Variants in KDM4B observed in about 807,000 individuals in gnomAD.
The protein encoded by KDM4B is lysine-specific demethylase 4B.
In KDM4B, 32 loss-of-function variants were observed where a neutral mutation model predicts 125.2. The ratio of observed to expected loss-of-function variants is 0.26; its 90% CI spans 0.19 to 0.34. KDM4B has a LOEUF of 0.34. KDM4B is among the 10% of genes least tolerant of loss of function. KDM4B has a pLI of 1.00. For synonymous variants in KDM4B, 721 were observed against 677.9 expected (o/e 1.06, Z -0.99); for missense variants, 1,190 against 1,577.7 (o/e 0.75, Z 4.16).
intron 6 of KDM4B, 41 bp downstream of exon 6, chr19:5,047,710 G>C: frequency 6.3e-7 from 1 of 1,592,658 alleles, no homozygotes; most frequent in Non-Finnish European, 8.6e-7. Context: ...CGGACCGAGA[G>C]CCCCTCGGGA....
chr19:5,131,954 C>T lies in KDM4B; in HGVS notation c.1853C>T (p.Pro618Leu). The T allele has an allele frequency of 1.2e-6, 2 of 1,612,178 alleles. No homozygotes were observed. Among genetic ancestry groups the T allele is most frequent in the Non-Finnish European group, 8.5e-7 (1 of 1,179,636 alleles). Residue 618 changes from proline (P) to leucine (L), a missense_variant, in exon 13 of 23, where the codon CCG becomes CTG. Transcript: ENST00000159111. ...AGCCGGCGCCATCCCCTGGGCCGGC[C>T]GCCCACCCGGTCCCCACTGTCGGTG... ...KKSRRHPLGR[P>L]PTRSPLSVVK...
intron 5 of KDM4B, among the ~76,000 whole-genome samples, chr19:5,043,351 C>T (rs1042677477): frequency 1.6e-5 from 2 of 128,810 alleles, no homozygotes; most frequent in African/African-American, 6.1e-5. Context: ...CAGCATTTAT[C>T]GGAGTGGGGG....
At chr19:5,128,802 G>A (rs2039492451) in intron 11 of KDM4B, among the ~76,000 whole-genome samples, 1 of 129,674 alleles carries the variant, frequency 7.7e-6, no homozygotes, top group South Asian at 2.6e-4. Context: ...TGTGTCCAGT[G>A]TTTACCTCCC....
At chr19:5,107,208 A>G (rs2039051936) in intron 9 of KDM4B, among the ~76,000 whole-genome samples, 1 of 152,218 alleles carries the variant, frequency 6.6e-6, no homozygotes, top group Admixed American at 6.5e-5. Context: ...CATGTGTATC[A>G]CACCACACGA....
chr19:5,096,784 G>A lies in KDM4B; in HGVS notation c.919-13838G>A, dbSNP rs559697910. Among the ~76,000 whole-genome samples the A allele has an allele frequency of 4.9e-4, 73 of 149,940 alleles. 1 individual carries two copies. The highest frequency in any genetic ancestry group is 1.7e-3 in the African/African-American group (71 of 40,792). On this transcript the variant is annotated intron_variant, in intron 9 of 22. Transcript: ENST00000159111. ...GGTGGCGCGTGTTGCCGTGGCGCCT[G>A]CCTGGTGGAGGAGGTGTCCCGCGGT...
At chr19:5,062,331 TG>T (rs2037628381) in intron 6 of KDM4B, among the ~76,000 whole-genome samples, 1 of 152,260 alleles carries the variant, frequency 6.6e-6, no homozygotes. Context: ...CTGCCTGTCC[TG>T]GGCGACCCAT....
At chr19:5,069,590 G>A (rs1428338623) in intron 6 of KDM4B, among the ~76,000 whole-genome samples, 2 of 150,978 alleles carry the variant, frequency 1.3e-5, no homozygotes, top group Non-Finnish European at 2.9e-5. Flanking sequence ...TTAGACGTGA[G>A]CCACTGCACC....
intron 9 of KDM4B, among the ~76,000 whole-genome samples, chr19:5,092,800 G>A (rs1373371241): frequency 6.6e-6 from 1 of 152,206 alleles, no homozygotes; most frequent in Non-Finnish European, 1.5e-5. Flanking sequence ...AAATGGTGGA[G>A]TTCTCCCCTC....
At chr19:5,102,595 C>T (rs1031908445) in intron 9 of KDM4B, among the ~76,000 whole-genome samples, 3 of 152,172 alleles carry the variant, frequency 2.0e-5, no homozygotes, top group Non-Finnish European at 4.4e-5. Flanking sequence ...GCATCTGGGG[C>T]CACTCCCGGT....
intron 1 of KDM4B, among the ~76,000 whole-genome samples, chr19:4,975,724 C>T (rs1046634099): frequency 1.3e-5 from 2 of 151,494 alleles, no homozygotes; most frequent in Non-Finnish European, 2.9e-5. Flanking sequence ...TCTTGAGTAG[C>T]TGGGATTACA....
chr19:5,015,610 G>A (rs1468712379), intron 1 of KDM4B, among the ~76,000 whole-genome samples: 1 of 152,172 alleles, frequency 6.6e-6, no homozygotes, highest in Non-Finnish European at 1.5e-5. Flanking sequence ...AGTACTTTGG[G>A]AACCCAAGGC....
chr19:5,089,186 C>G (rs1025204018), intron 9 of KDM4B, among the ~76,000 whole-genome samples: 2 of 152,228 alleles, frequency 1.3e-5, no homozygotes, highest in African/African-American at 4.8e-5. Context: ...GCACACGAAT[C>G]TCACTGAAAC....
chr19:5,055,235 C>T (rs750825803), intron 6 of KDM4B, among the ~76,000 whole-genome samples: 11 of 152,228 alleles, frequency 7.2e-5, no homozygotes, highest in Non-Finnish European at 1.0e-4. Context: ...CCGGGAAACC[C>T]GGGGCACATC....
chr19:5,097,187 A>C (rs963134937), intron 9 of KDM4B, among the ~76,000 whole-genome samples: 5 of 152,144 alleles, frequency 3.3e-5, no homozygotes, highest in African/African-American at 1.2e-4. Context: ...AGGATTCTTA[A>C]ATATGTAGTA....
At chr19:5,043,066 T>C (rs2036872338) in intron 5 of KDM4B, among the ~76,000 whole-genome samples, 1 of 150,986 alleles carries the variant, frequency 6.6e-6, no homozygotes, top group African/African-American at 2.4e-5. Context: ...TTGGAGCTTT[T>C]TGGGTTTTGG....
intron 10 of KDM4B, among the ~76,000 whole-genome samples, chr19:5,116,838 A>C (rs2039265847): frequency 6.6e-6 from 1 of 152,178 alleles, no homozygotes; most frequent in Non-Finnish European, 1.5e-5. Context: ...AGACGGTGGC[A>C]GGTGCAGGGA....
intron 9 of KDM4B, among the ~76,000 whole-genome samples, chr19:5,105,342 T>C (rs879771177): frequency 2.0e-5 from 3 of 152,270 alleles, no homozygotes; most frequent in Non-Finnish European, 4.4e-5. Context: ...CAGAGTGTGC[T>C]GAAGCTGGTC....
Position 5,016,359 on chromosome 19 carries a change from C to T in KDM4B, c.-26+20C>T, listed in dbSNP as rs898780435. The T allele has an allele frequency of 6.6e-6, 1 of 152,252 alleles. No homozygotes were observed. The highest frequency in any genetic ancestry group is 1.5e-5 in the Non-Finnish European group (1 of 68,052). The allele number at this position is 152,252 out of a possible 1,614,324, so 9.4% of individuals were successfully genotyped here. A position where few individuals can be genotyped will look rare whatever the true frequency, so the allele number is the denominator to read the frequency against. ...CCAGAAGTAAGTAACACGGGCCTGGCCCCCAGGTGGCCCCACAGGACCAGG... is the reference window on the plus strand; with the variant it reads ...CCAGAAGTAAGTAACACGGGCCTGGTCCCCAGGTGGCCCCACAGGACCAGG... On this transcript the variant is annotated intron_variant, in intron 2 of 22. Transcript: ENST00000159111.
At chr19:5,060,625 G>T (rs1458185922) in intron 6 of KDM4B, among the ~76,000 whole-genome samples, 2 of 151,924 alleles carry the variant, frequency 1.3e-5, no homozygotes, top group Non-Finnish European at 2.9e-5. Context: ...GAGGAGGGCC[G>T]TGGGTCCAGG....
Sources: allele counts gnomAD v4.1 joint callset (sites outside exome capture counted in the v4.1 genomes callset), GRCh38; gene constraint gnomAD v4.1.1; transcripts MANE v1.5; gene names NCBI Gene and HGNC (gene_info 2026-07-23, HGNC 2026-07-21).